NTN1: variants seen among roughly 807,000 people sequenced by gnomAD.
The protein encoded by NTN1 is netrin 1.
NTN1 carries 11 observed loss-of-function variants against 54.2 expected under a neutral mutation model. The ratio of observed to expected loss-of-function variants is 0.20; its 90% CI spans 0.13 to 0.34. The LOEUF (loss-of-function observed/expected upper bound fraction) is 0.34, where lower values mean the gene tolerates loss of function less well. NTN1 is among the 10% of genes least tolerant of loss of function. The pLI is 1.00. For missense variants in NTN1, 740 were observed against 893.1 expected (o/e 0.83, Z 2.18); for synonymous variants, 371 against 382.0 (o/e 0.97, Z 0.33).
intron 5 of NTN1, among the ~76,000 whole-genome samples, chr17:9,198,369 A>T (rs1239140270): frequency 2.0e-5 from 3 of 152,208 alleles, no homozygotes; most frequent in Non-Finnish European, 4.4e-5. Flanking sequence ...AACCTCCCGG[A>T]TATCTCCAGG....
chr17:9,146,731 C>G (rs1050625955), intron 2 of NTN1, among the ~76,000 whole-genome samples: 1 of 152,158 alleles, frequency 6.6e-6, no homozygotes, highest in Non-Finnish European at 1.5e-5. Context: ...GCTATTGGCT[C>G]TCAAAACAAT....
chr17:9,107,102 G>A (rs1248120129), intron 2 of NTN1, among the ~76,000 whole-genome samples: 1 of 152,294 alleles, frequency 6.6e-6, no homozygotes, highest in Admixed American at 6.5e-5. Flanking sequence ...TACACTTGGG[G>A]TATTAGGTAA....
intron 5 of NTN1, among the ~76,000 whole-genome samples, chr17:9,199,061 AC>A (rs1348652186): frequency 2.0e-5 from 3 of 152,120 alleles, no homozygotes; most frequent in Non-Finnish European, 4.4e-5. Context: ...ACTTCTCACA[AC>A]CCTGTATTGG....
chr17:9,109,205 A>C (rs2092180781), intron 2 of NTN1, among the ~76,000 whole-genome samples: 2 of 152,118 alleles, frequency 1.3e-5, no homozygotes, highest in South Asian at 4.1e-4. Context: ...CCTTTTTTTA[A>C]AATAATAAGA....
At chr17:9,163,406 A>G (rs189196539) in intron 3 of NTN1, among the ~76,000 whole-genome samples, 2 of 130,398 alleles carry the variant, frequency 1.5e-5, no homozygotes. Context: ...GGGACAAAGG[A>G]CTCTCTTTCA....
At chr17:9,137,308 G>A (rs1191903454) in intron 2 of NTN1, among the ~76,000 whole-genome samples, 1 of 152,210 alleles carries the variant, frequency 6.6e-6, no homozygotes, top group Non-Finnish European at 1.5e-5. Context: ...CCCCATGCCA[G>A]TAATGATGCG....
rs190948596 is a variant in NTN1, at chr17:9,199,341, C to T, written c.1411+16372C>T. Among the ~76,000 whole-genome samples, 616 of 152,314 alleles carry T rather than the reference C, an allele frequency of 4.0e-3. 6 individuals are homozygous for T. Among genetic ancestry groups the T allele is most frequent in the African/African-American group, 0.014 (583 of 41,558 alleles). ...ATTTTTAGTAGAGATGGAGTTTCAA[C>T]ATGTTGGCCAGGCTGGTCTTGAAGT... On this transcript the variant is annotated intron_variant, in intron 5 of 6. Coordinates refer to ENST00000173229, the MANE Select transcript of NTN1 (RefSeq NM_004822.3).
chr17:9,088,880 A>G (rs2092098912), intron 2 of NTN1, among the ~76,000 whole-genome samples: 1 of 152,146 alleles, frequency 6.6e-6, no homozygotes, highest in Non-Finnish European at 1.5e-5. Flanking sequence ...GTGGCCAGCC[A>G]TCACGAAACC....
chr17:9,200,459 G>A (rs187371313), intron 5 of NTN1, among the ~76,000 whole-genome samples: 19 of 152,354 alleles, frequency 1.2e-4, no homozygotes, highest in Admixed American at 8.5e-4. Flanking sequence ...ATTAGCAGCC[G>A]CAGACGGATG....
chr17:9,009,981 G>A, the NTN1 span, among the ~76,000 whole-genome samples: 16 of 152,132 alleles, frequency 1.1e-4, no homozygotes, highest in Non-Finnish European at 2.4e-4. Flanking sequence ...TCTAAGGGCC[G>A]CCTCTGTCCT....
intron 2 of NTN1, among the ~76,000 whole-genome samples, chr17:9,086,650 C>A (rs2092090952): frequency 6.6e-6 from 1 of 152,154 alleles, no homozygotes; most frequent in African/African-American, 2.4e-5. Context: ...TGACCACCTA[C>A]CTTCATGATC....
chr17:9,121,224 C>T (rs2092230779), intron 2 of NTN1, among the ~76,000 whole-genome samples: 1 of 152,170 alleles, frequency 6.6e-6, no homozygotes, highest in Non-Finnish European at 1.5e-5. Context: ...ATAGTTTTCT[C>T]CTTCTTTTCC....
intron 2 of NTN1, among the ~76,000 whole-genome samples, chr17:9,111,242 G>A (rs1438838046): frequency 6.6e-6 from 1 of 152,120 alleles, no homozygotes; most frequent in Non-Finnish European, 1.5e-5. Flanking sequence ...TGCCCAGCAT[G>A]ATCTTTTATC....
At chr17:9,152,695 G>A (rs1462094647) in intron 2 of NTN1, among the ~76,000 whole-genome samples, 1 of 152,202 alleles carries the variant, frequency 6.6e-6, no homozygotes, top group Non-Finnish European at 1.5e-5. Context: ...GCTGATGTGA[G>A]TCTGCTGATC....
At chr17:9,204,951 T>C (rs986646460) in intron 5 of NTN1, among the ~76,000 whole-genome samples, 1 of 151,756 alleles carries the variant, frequency 6.6e-6, no homozygotes, top group African/African-American at 2.4e-5. Flanking sequence ...TCTGAAGATA[T>C]GTTGCTCATT....
At chr17:9,067,117 A>G (rs1201410155) in intron 2 of NTN1, among the ~76,000 whole-genome samples, 1 of 151,624 alleles carries the variant, frequency 6.6e-6, no homozygotes, top group Non-Finnish European at 1.5e-5. Context: ...AAATACAAAA[A>G]TTAGCCAGGC....
At chr17:9,192,045 T>C (rs2142328556) in intron 5 of NTN1, among the ~76,000 whole-genome samples, 1 of 152,120 alleles carries the variant, frequency 6.6e-6, no homozygotes, top group Admixed American at 6.6e-5. Context: ...TTCTCTGTGT[T>C]GAAAAGGGTT....
At chr17:9,023,495 C>T (rs1274095189) in intron 2 of NTN1, 104 bp downstream of exon 2, 23 of 1,264,092 alleles carry the variant, frequency 1.8e-5, no homozygotes, top group Non-Finnish European at 1.0e-6. Context: ...GAGGGAACGG[C>T]GGGAGGCGCG....
chr17:9,056,039 A>C (rs997763517), intron 2 of NTN1, among the ~76,000 whole-genome samples: 2 of 151,714 alleles, frequency 1.3e-5, no homozygotes, highest in African/African-American at 2.4e-5. Context: ...CTGGGACTAC[A>C]GGTGCACACC....
Sources: allele counts gnomAD v4.1 joint callset (sites outside exome capture counted in the v4.1 genomes callset), GRCh38; gene constraint gnomAD v4.1.1; transcripts MANE v1.5; gene names NCBI Gene and HGNC (gene_info 2026-07-23, HGNC 2026-07-21).